DAPK1: variants seen among roughly 807,000 people sequenced by gnomAD.
The protein encoded by DAPK1 is death-associated protein kinase 1.
A neutral mutation model predicts 144.9 loss-of-function variants in DAPK1; 56 were observed. The ratio of observed to expected loss-of-function variants is 0.39; its 90% CI spans 0.31 to 0.48. The LOEUF is 0.48. DAPK1 is among the 20% of genes least tolerant of loss of function. The pLI is 0.95. For missense variants in DAPK1, 1,454 were observed against 1,875.4 expected, an observed-to-expected ratio of 0.78 and a Z score of 4.15; for synonymous variants, 690 against 749.0, an observed-to-expected ratio of 0.92 and a Z score of 1.29.
chr9:87,539,927 CT>C, intron 2 of DAPK1, among the ~76,000 whole-genome samples: 1 of 152,164 alleles, frequency 6.6e-6, no homozygotes, highest in East Asian at 1.9e-4. Flanking sequence ...CCTTATTTTA[CT>C]TCTTAATGAC....
At chr9:87,585,392 C>A (rs1443445686) in intron 2 of DAPK1, among the ~76,000 whole-genome samples, 1 of 152,164 alleles carries the variant, frequency 6.6e-6, no homozygotes, top group East Asian at 1.9e-4. Flanking sequence ...TACACAAATG[C>A]TTATTGTAGC....
intron 3 of DAPK1, among the ~76,000 whole-genome samples, chr9:87,613,721 C>T (rs1411050014): frequency 6.6e-6 from 1 of 152,088 alleles, no homozygotes; most frequent in Non-Finnish European, 1.5e-5. Context: ...ATGTGGTGGT[C>T]GGGACTTAGG....
At chr9:87,534,057 C>T (rs1003334008) in intron 2 of DAPK1, among the ~76,000 whole-genome samples, 6 of 151,932 alleles carry the variant, frequency 3.9e-5, no homozygotes, top group Non-Finnish European at 7.4e-5. Flanking sequence ...TTTAAAAACA[C>T]TTTTCTTAGA....
intron 2 of DAPK1, among the ~76,000 whole-genome samples, chr9:87,508,433 C>T (rs189283602): frequency 2.0e-5 from 3 of 150,390 alleles, no homozygotes; most frequent in East Asian, 4.0e-4. Context: ...ACCTCCACCT[C>T]CCGGGTTCAC....
At chr9:87,608,241 A>T (rs1828803555) in intron 3 of DAPK1, among the ~76,000 whole-genome samples, 1 of 152,228 alleles carries the variant, frequency 6.6e-6, no homozygotes, top group South Asian at 2.1e-4. Flanking sequence ...ATGTCCAGTG[A>T]ATAGAATCAT....
intron 2 of DAPK1, among the ~76,000 whole-genome samples, chr9:87,601,073 C>T (rs1472128154): frequency 6.6e-6 from 1 of 152,164 alleles, no homozygotes; most frequent in Middle Eastern, 3.2e-3. Flanking sequence ...GAACTGTCCC[C>T]CCAAAGGAGT....
intron 2 of DAPK1, among the ~76,000 whole-genome samples, chr9:87,580,833 A>G (rs550818778): frequency 6.6e-6 from 1 of 152,320 alleles, no homozygotes; most frequent in South Asian, 2.1e-4. Context: ...AGGTTTTCTG[A>G]AGTTTTAAGG....
rs2270404 is a variant in DAPK1 at position 87,640,279 on chromosome 9, C to G, written c.630-19C>G. On this transcript the variant is annotated intron_variant, in intron 7 of 25. Transcript: ENST00000408954. ...AGGGGTCATCATTAATGTTCTATGC[C>G]CAACTTTATTTTTAACAGCCTAAGT... The G allele has an allele frequency of 4.7e-3, 7,495 of 1,608,498 alleles. 180 individuals carry two copies. In the East Asian group the frequency reaches 0.057, roughly 12 times the overall value.
intron 10 of DAPK1, 132 bp from the exon 11 acceptor site, chr9:87,643,244 C>A: frequency 1.7e-6 from 1 of 590,592 alleles, no homozygotes; most frequent in Non-Finnish European, 3.0e-6. Flanking sequence ...GTGCTGATAG[C>A]AATGAACACG....
chr9:87,682,372 G>A (rs1824665678), intron 20 of DAPK1, among the ~76,000 whole-genome samples: 1 of 152,212 alleles, frequency 6.6e-6, no homozygotes, highest in Non-Finnish European at 1.5e-5. Flanking sequence ...GAGCGAGTGA[G>A]TTTGTGGAAA....
chr9:87,649,640 G>T (rs1183833337), intron 15 of DAPK1, among the ~76,000 whole-genome samples: 1 of 152,206 alleles, frequency 6.6e-6, no homozygotes, highest in Non-Finnish European at 1.5e-5. Flanking sequence ...AAAGTCAATT[G>T]TCAGTCATAT....
chr9:87,560,790 C>G (rs1203054748), intron 2 of DAPK1, among the ~76,000 whole-genome samples: 1 of 151,636 alleles, frequency 6.6e-6, no homozygotes, highest in Non-Finnish European at 1.5e-5. Context: ...CTCAGCCTCC[C>G]GAGTAGCTAA....
At chr9:87,568,250 G>A (rs1372388545) in intron 2 of DAPK1, among the ~76,000 whole-genome samples, 3 of 152,232 alleles carry the variant, frequency 2.0e-5, no homozygotes, top group South Asian at 2.1e-4. Flanking sequence ...GTGGGCCAAC[G>A]CTGCCAGCTC....
chr9:87,515,985 G>A (rs12348866), intron 2 of DAPK1, among the ~76,000 whole-genome samples: 2,226 of 152,128 alleles, frequency 0.015, 47 homozygotes, highest in African/African-American at 0.051. Flanking sequence ...AGCTCTCACC[G>A]CACACTCAGC....
chr9:87,588,549 CT>C, intron 2 of DAPK1, among the ~76,000 whole-genome samples: 1 of 152,318 alleles, frequency 6.6e-6, no homozygotes, highest in South Asian at 2.1e-4. Context: ...TGAGGATCAG[CT>C]TTCACAGATG....
At chr9:87,531,899 G>T (rs915807637) in intron 2 of DAPK1, among the ~76,000 whole-genome samples, 1 of 152,156 alleles carries the variant, frequency 6.6e-6, no homozygotes, top group Admixed American at 6.6e-5. Flanking sequence ...CCCTCCATGT[G>T]CCCCCTGGGC....
intron 3 of DAPK1, among the ~76,000 whole-genome samples, chr9:87,621,159 C>T (rs1352561984): frequency 6.6e-6 from 1 of 152,226 alleles, no homozygotes; most frequent in Non-Finnish European, 1.5e-5. Flanking sequence ...GATTCCCTCC[C>T]TTTCCTACCC....
At chr9:87,567,364 G>A (rs987887334) in intron 2 of DAPK1, among the ~76,000 whole-genome samples, 1 of 152,166 alleles carries the variant, frequency 6.6e-6, no homozygotes, top group Non-Finnish European at 1.5e-5. Flanking sequence ...ATAATATAGG[G>A]AGAGGAGATA....
chr9:87,632,792 G>A (rs1829745712), intron 3 of DAPK1: 1 of 981,554 alleles, frequency 1.0e-6, no homozygotes, highest in African/African-American at 1.8e-5. Flanking sequence ...AGGAGAATCA[G>A]TGTATATGTA....
Sources: gnomAD v4.1 joint callset for allele counts (sites outside exome capture counted in the v4.1 genomes callset) on GRCh38, gnomAD v4.1.1 for gene constraint, MANE v1.5 for transcripts, NCBI Gene and HGNC (gene_info 2026-07-23, HGNC 2026-07-21) for gene names.